The following EFNA5 variants were observed in gnomAD, a reference collection of about 807,000 sequenced individuals.
EFNA5 encodes the protein ephrin A5.
EFNA5 carries 5 observed loss-of-function variants against 22.9 expected under a neutral mutation model. That is an observed-to-expected ratio of 0.22 (90% CI 0.11 to 0.46). The LOEUF is 0.46. EFNA5 is among the 20% of genes least tolerant of loss of function. EFNA5 has a pLI of 0.99. For synonymous variants in EFNA5, 113 were observed against 112.2 expected (o/e 1.01, Z -0.04); for missense variants, 237 against 293.3 (o/e 0.81, Z 1.40).
At chr5:107,586,347 A>T (rs1749185820) in intron 1 of EFNA5, among the ~76,000 whole-genome samples, 2 of 152,222 alleles carry the variant, frequency 1.3e-5, no homozygotes, top group African/African-American at 2.4e-5. Context: ...ATGGTAAACA[A>T]ATCTCCATCC....
intron 1 of EFNA5, among the ~76,000 whole-genome samples, chr5:107,433,357 C>T (rs976007736): frequency 6.6e-6 from 1 of 152,148 alleles, no homozygotes; most frequent in African/African-American, 2.4e-5. Context: ...TAGTCCTTTG[C>T]AATCATCTCA....
At chr5:107,534,057 C>T (rs1429974345) in intron 1 of EFNA5, among the ~76,000 whole-genome samples, 1 of 152,202 alleles carries the variant, frequency 6.6e-6, no homozygotes, top group Non-Finnish European at 1.5e-5. Context: ...CTGAGCCACA[C>T]ACAGAAATAT....
intron 1 of EFNA5, among the ~76,000 whole-genome samples, chr5:107,433,104 T>C (rs1432534441): frequency 2.0e-5 from 3 of 152,204 alleles, no homozygotes; most frequent in Non-Finnish European, 4.4e-5. Flanking sequence ...TGTAGGCTAT[T>C]AGTAGCTAAG....
At position 107,380,599 on chromosome 5, in the gene EFNA5, T is replaced by C; in HGVS notation, c.*656A>G. On this transcript the variant is annotated 3_prime_UTR_variant, in exon 5 of 5. Coordinates refer to ENST00000333274, the MANE Select transcript of EFNA5 (RefSeq NM_001962.3). The stretch of plus-strand genomic sequence containing the variant: ...CTCCTAGAAAAAAAAAAAAGGCTTC[T>C]TTTAGAGAGCACAAGTTTTGCTGTC... The C allele has an allele frequency of 2.7e-6, 1 of 367,070 alleles. No homozygotes were observed. Among genetic ancestry groups the C allele is most frequent in the Non-Finnish European group, 4.8e-6 (1 of 207,272 alleles). 22.7% of individuals were successfully genotyped at this position (367,070 alleles called of 1,614,324 possible). A position where few individuals can be genotyped will look rare whatever the true frequency, so the allele number is the denominator to read the frequency against.
At chr5:107,638,328 G>A (rs1467827235) in intron 1 of EFNA5, among the ~76,000 whole-genome samples, 1 of 152,128 alleles carries the variant, frequency 6.6e-6, no homozygotes, top group Non-Finnish European at 1.5e-5. Context: ...GTAAAAAGAT[G>A]GTTTCCAGGG....
intron 1 of EFNA5, among the ~76,000 whole-genome samples, chr5:107,486,521 A>G (rs548692373): frequency 2.0e-5 from 3 of 152,338 alleles, no homozygotes; most frequent in Admixed American, 1.3e-4. Context: ...GAAAGACATC[A>G]GTTTATAGAG....
intron 2 of EFNA5, among the ~76,000 whole-genome samples, chr5:107,422,204 A>G (rs574311108): frequency 4.3e-4 from 66 of 152,274 alleles, no homozygotes; most frequent in African/African-American, 1.6e-3. Flanking sequence ...TTCACCTGTA[A>G]ATAGGGAAAA....
chr5:107,621,170 G>C (rs1270267660), intron 1 of EFNA5, among the ~76,000 whole-genome samples: 1 of 152,212 alleles, frequency 6.6e-6, no homozygotes, highest in Non-Finnish European at 1.5e-5. Context: ...GTGGCAGACA[G>C]GCCTGGCAGA....
chr5:107,538,280 ATT>A (rs1747967298), intron 1 of EFNA5, among the ~76,000 whole-genome samples: 1 of 152,194 alleles, frequency 6.6e-6, no homozygotes, highest in Non-Finnish European at 1.5e-5. Context: ...ATCCAAATTC[ATT>A]TTCTTATAGG....
intron 1 of EFNA5, among the ~76,000 whole-genome samples, chr5:107,517,675 G>A (rs1402348293): frequency 6.6e-6 from 1 of 152,166 alleles, no homozygotes; most frequent in Non-Finnish European, 1.5e-5. Context: ...ATCATGTTCT[G>A]TGACAAGTCA....
chr5:107,578,732 T>C (rs1266209104), intron 1 of EFNA5, among the ~76,000 whole-genome samples: 1 of 152,084 alleles, frequency 6.6e-6, no homozygotes, highest in African/African-American at 2.4e-5. Flanking sequence ...CCATGTACAT[T>C]TGCCAAGCAG....
intron 1 of EFNA5, among the ~76,000 whole-genome samples, chr5:107,561,604 G>A (rs866333296): frequency 3.1e-4 from 47 of 152,008 alleles, no homozygotes; most frequent in Admixed American, 1.6e-3. Context: ...TCCTGACCTC[G>A]TGACCCGCCC....
At chr5:107,470,903 T>C (rs190236656) in intron 1 of EFNA5, among the ~76,000 whole-genome samples, 32 of 152,156 alleles carry the variant, frequency 2.1e-4, no homozygotes, top group Admixed American at 7.9e-4. Flanking sequence ...AAATCAGGAG[T>C]AAGATGTCTT....
At chr5:107,518,868 A>G (rs886163170) in intron 1 of EFNA5, among the ~76,000 whole-genome samples, 1 of 152,218 alleles carries the variant, frequency 6.6e-6, no homozygotes, top group Admixed American at 6.5e-5. Context: ...AACTCAATGG[A>G]AAGTATTTTC....
intron 2 of EFNA5, among the ~76,000 whole-genome samples, chr5:107,415,192 T>C (rs1022202847): frequency 6.6e-5 from 10 of 152,104 alleles, no homozygotes; most frequent in South Asian, 2.1e-4. Context: ...TATATATATA[T>C]ACATATGGAA....
intron 1 of EFNA5, among the ~76,000 whole-genome samples, chr5:107,633,637 C>A (rs573534230): frequency 4.6e-5 from 7 of 152,284 alleles, no homozygotes; most frequent in African/African-American, 1.7e-4. Flanking sequence ...CACCTGCGTG[C>A]CATGTTCCTT....
chr5:107,649,095 A>T (rs1378105096), intron 1 of EFNA5, among the ~76,000 whole-genome samples: 1 of 152,140 alleles, frequency 6.6e-6, no homozygotes. Flanking sequence ...CAAACAGTTA[A>T]ATAGTGTCAA....
chr5:107,662,064 A>C (rs760383099), intron 1 of EFNA5, among the ~76,000 whole-genome samples: 1 of 152,188 alleles, frequency 6.6e-6, no homozygotes, highest in African/African-American at 2.4e-5. Context: ...AAGAAAAAAA[A>C]CAAAAGGTAT....
At chr5:107,559,510 T>G (rs1221744604) in intron 1 of EFNA5, among the ~76,000 whole-genome samples, 1 of 152,196 alleles carries the variant, frequency 6.6e-6, no homozygotes, top group Non-Finnish European at 1.5e-5. Flanking sequence ...TCTCTCATAA[T>G]TTTTCTTCTC....
Sources: allele counts gnomAD v4.1 joint callset (sites outside exome capture counted in the v4.1 genomes callset), GRCh38; gene constraint gnomAD v4.1.1; transcripts MANE v1.5; gene names NCBI Gene and HGNC (gene_info 2026-07-23, HGNC 2026-07-21).